The following TTC6 variants were observed in gnomAD, a reference collection of about 807,000 sequenced individuals.
The protein encoded by TTC6 is tetratricopeptide repeat domain 6, also known as tetratricopeptide repeat protein 6.
TTC6 carries 172 observed loss-of-function variants against 210.4 expected under a neutral mutation model. That is an observed-to-expected ratio of 0.82 (90% confidence interval 0.72 to 0.93). TTC6 has a LOEUF of 0.93. Among genes scored for constraint, TTC6 ranks in the 40% least tolerant of loss-of-function variants. TTC6 has a pLI of 0.00. For missense variants in TTC6, 2,414 were observed against 2,318.1 expected (o/e 1.04, Z -0.85); for synonymous variants, 804 against 819.6 (o/e 0.98, Z 0.32).
At chr14:37,601,814 G>A (rs1351666312) in intron 1 of TTC6, among the ~76,000 whole-genome samples, 1 of 152,148 alleles carries the variant, frequency 6.6e-6, no homozygotes, top group Non-Finnish European at 1.5e-5. Context: ...GGTGGTCAAC[G>A]TGTGACCCAA....
At chr14:37,789,596 T>TTTTATA (rs1555400189) in intron 15 of TTC6, among the ~76,000 whole-genome samples, 41 of 134,490 alleles carry the variant, frequency 3.0e-4, no homozygotes, top group Middle Eastern at 3.8e-3. Context: ...TGGTTTCCTC[T>TTTTATA]TATATATATA....
At chr14:37,732,173 CTTTTTTTTTTTTT>C (rs61444309) in intron 7 of TTC6, among the ~76,000 whole-genome samples, 25 of 57,588 alleles carry the variant, frequency 4.3e-4, no homozygotes, top group Admixed American at 1.2e-3. Flanking sequence ...GTACTGTATT[CTTTTTTTTTTTTT>C]TTTTTTTTTT....
chr14:37,691,740 A>G (rs1242127204), intron 3 of TTC6, among the ~76,000 whole-genome samples: 2 of 152,196 alleles, frequency 1.3e-5, no homozygotes, highest in African/African-American at 4.8e-5. Context: ...ACAAAAGGTC[A>G]ATGAGATAAG....
intron 14 of TTC6, among the ~76,000 whole-genome samples, chr14:37,773,689 G>C (rs182843491): frequency 1.7e-3 from 266 of 152,278 alleles, no homozygotes; most frequent in African/African-American, 6.1e-3. Context: ...AATGGGTAAT[G>C]TAATGCCTCC....
chr14:37,670,341 C>T (rs1455052538), intron 1 of TTC6, among the ~76,000 whole-genome samples: 5 of 152,094 alleles, frequency 3.3e-5, no homozygotes, highest in South Asian at 4.2e-4. Flanking sequence ...TGAAATGTTA[C>T]GTGATTAAAT....
chr14:37,677,162 C>T (rs935671722), intron 1 of TTC6, among the ~76,000 whole-genome samples: 5 of 151,938 alleles, frequency 3.3e-5, no homozygotes, highest in African/African-American at 1.2e-4. Context: ...GTCTTGCCAT[C>T]TTAACAATAT....
At chr14:37,736,217 C>G (rs1187939703) in intron 8 of TTC6, among the ~76,000 whole-genome samples, 3 of 151,986 alleles carry the variant, frequency 2.0e-5, no homozygotes, top group African/African-American at 4.8e-5. Context: ...GAAACCCCAT[C>G]TCTAGTAAAA....
At chr14:37,822,903 T>A (rs2139491479) in intron 26 of TTC6, among the ~76,000 whole-genome samples, 1 of 152,338 alleles carries the variant, frequency 6.6e-6, no homozygotes, top group East Asian at 1.9e-4. Flanking sequence ...TATAACTAGC[T>A]TACAGAATTG....
At chr14:37,778,176 C>T (rs975781455) in intron 14 of TTC6, among the ~76,000 whole-genome samples, 2 of 151,982 alleles carry the variant, frequency 1.3e-5, no homozygotes, top group African/African-American at 2.4e-5. Context: ...GGATGTCAGC[C>T]TCTGTGTGGG....
At chr14:37,642,378 A>G (rs1263228637) in intron 1 of TTC6, among the ~76,000 whole-genome samples, 1 of 152,172 alleles carries the variant, frequency 6.6e-6, no homozygotes, top group Non-Finnish European at 1.5e-5. Flanking sequence ...TGGTGGTGAC[A>G]TTTGCAATTG....
At chr14:37,754,376 TG>T (rs140099247) in intron 14 of TTC6, among the ~76,000 whole-genome samples, 6,217 of 152,256 alleles carry the variant, frequency 0.041, 142 homozygotes, top group South Asian at 0.088. Context: ...CTGAGAATGA[TG>T]GTTTCCAGCT....
intron 3 of TTC6, among the ~76,000 whole-genome samples, chr14:37,689,594 A>G (rs570570122): frequency 1.3e-5 from 2 of 152,258 alleles, no homozygotes; most frequent in African/African-American, 4.8e-5. Context: ...ACAACATACA[A>G]TAGAGCTCCA....
intron 6 of TTC6, among the ~76,000 whole-genome samples, chr14:37,718,176 G>A (rs1016562826): frequency 2.6e-5 from 4 of 152,246 alleles, no homozygotes; most frequent in Admixed American, 2.0e-4. Context: ...CTTGACAAAT[G>A]TTAGGTCATA....
At chr14:37,784,774 C>A (rs1032866793) in intron 14 of TTC6, among the ~76,000 whole-genome samples, 4 of 152,098 alleles carry the variant, frequency 2.6e-5, no homozygotes, top group African/African-American at 9.7e-5. Flanking sequence ...TGTTCATATC[C>A]ATGTTTAGTG....
chr14:37,735,892 A>G, intron 7 of TTC6, 29 bp from the exon 10 acceptor site: 1 of 1,369,726 alleles, frequency 7.3e-7, no homozygotes, highest in Non-Finnish European at 1.0e-6. Flanking sequence ...TCCAAAACAT[A>G]ATTTAAAATT....
intron 14 of TTC6, among the ~76,000 whole-genome samples, chr14:37,754,704 A>T (rs2095962323): frequency 6.6e-6 from 1 of 152,118 alleles, no homozygotes; most frequent in South Asian, 2.1e-4. Context: ...AAGTGCTGGG[A>T]TTACAGGCAT....
chr14:37,823,948 T>C (rs375723364), exon 27 of TTC6: 65 of 1,613,630 alleles, frequency 4.0e-5, no homozygotes, highest in Non-Finnish European at 5.3e-5. Context: ...GTTTTGGCTA[T>C]AATTTGCAGG....
intron 29 of TTC6, 49 bp from the exon 32 acceptor site, chr14:37,841,396 G>A (rs778002207): frequency 1.3e-6 from 2 of 1,490,686 alleles, no homozygotes; most frequent in Non-Finnish European, 1.8e-6. Context: ...TCAAATTTCT[G>A]TATAGTAAGT....
chr14:37,774,157 TG>T (rs1765959904), intron 14 of TTC6, among the ~76,000 whole-genome samples: 1 of 152,212 alleles, frequency 6.6e-6, no homozygotes, highest in African/African-American at 2.4e-5. Context: ...AATGAAATTT[TG>T]GGCAGAAACT....
Sources: allele counts gnomAD v4.1 joint callset (sites outside exome capture counted in the v4.1 genomes callset), GRCh38; gene constraint gnomAD v4.1.1; transcripts MANE v1.5; gene names NCBI Gene and HGNC (gene_info 2026-07-23, HGNC 2026-07-21).